The following ADGRB3 variants were observed in gnomAD, a reference collection of about 807,000 sequenced individuals.
ADGRB3 encodes adhesion G protein-coupled receptor B3, also known as brain-specific angiogenesis inhibitor 3.
Under a neutral mutation model 193.4 loss-of-function variants are expected in ADGRB3, and 37 were observed. The observed-to-expected ratio is 0.19, with a 90% CI of 0.15 to 0.25. ADGRB3 has a LOEUF of 0.25. ADGRB3 is among the 10% of genes least tolerant of loss of function. The pLI is 1.00. For synonymous variants in ADGRB3, 690 were observed against 644.2 expected, an observed-to-expected ratio of 1.07 and a Z score of -1.08; for missense variants, 1,637 against 1,852.9, an observed-to-expected ratio of 0.88 and a Z score of 2.14.
chr6:69,358,650 A>G (rs1021803890), intron 28 of ADGRB3, among the ~76,000 whole-genome samples: 1 of 151,878 alleles, frequency 6.6e-6, no homozygotes, highest in Non-Finnish European at 1.5e-5. Flanking sequence ...GGTGAAATTC[A>G]CTTCCCTAAA....
intron 19 of ADGRB3, among the ~76,000 whole-genome samples, chr6:69,235,384 G>A (rs185747901): frequency 1.3e-5 from 2 of 152,094 alleles, no homozygotes; most frequent in East Asian, 3.9e-4. Context: ...TCAAATGTTA[G>A]TAGCCTTCAA....
intron 3 of ADGRB3, among the ~76,000 whole-genome samples, chr6:68,889,975 AACTCTAT>A (rs1232471778): frequency 6.6e-6 from 1 of 152,178 alleles, no homozygotes; most frequent in Non-Finnish European, 1.5e-5. Context: ...ACTGTTGTAA[AACTCTAT>A]ACATGGCCAA....
chr6:68,755,516 G>T (rs2127348888), intron 3 of ADGRB3, among the ~76,000 whole-genome samples: 1 of 152,210 alleles, frequency 6.6e-6, no homozygotes, highest in Middle Eastern at 3.4e-3. Context: ...AGGAGGTAAG[G>T]CCACCTGTCG....
intron 3 of ADGRB3, among the ~76,000 whole-genome samples, chr6:68,929,981 G>A (rs1252053207): frequency 6.6e-6 from 1 of 151,478 alleles, no homozygotes; most frequent in African/African-American, 2.4e-5. Context: ...ATTAATTGGG[G>A]CAGGGAAGGA....
At chr6:69,298,895 C>T (rs577901260) in intron 20 of ADGRB3, among the ~76,000 whole-genome samples, 60 of 152,048 alleles carry the variant, frequency 3.9e-4, no homozygotes, top group African/African-American at 1.4e-3. Context: ...TGAATATACA[C>T]CCAGCAGTTG....
intron 20 of ADGRB3, among the ~76,000 whole-genome samples, chr6:69,310,923 G>T (rs1768175776): frequency 6.6e-6 from 1 of 151,570 alleles, no homozygotes; most frequent in African/African-American, 2.4e-5. Flanking sequence ...AGAAATAGTT[G>T]GTTTTGCCAT....
At chr6:68,812,803 T>TC (rs1376194070) in intron 3 of ADGRB3, among the ~76,000 whole-genome samples, 1 of 152,032 alleles carries the variant, frequency 6.6e-6, no homozygotes, top group Non-Finnish European at 1.5e-5. Context: ...TAGGTATTTC[T>TC]CCTAATGCTA....
chr6:69,234,074 A>C (rs1416324981), intron 18 of ADGRB3, among the ~76,000 whole-genome samples: 1 of 152,190 alleles, frequency 6.6e-6, no homozygotes, highest in Non-Finnish European at 1.5e-5. Flanking sequence ...ATGCTGAACA[A>C]TTATTATTCA....
intron 20 of ADGRB3, among the ~76,000 whole-genome samples, chr6:69,322,230 TA>T (rs1768471769): frequency 6.6e-6 from 1 of 151,894 alleles, no homozygotes; most frequent in Non-Finnish European, 1.5e-5. Context: ...ATATGTACCA[TA>T]TTTTCTTTAT....
intron 3 of ADGRB3, among the ~76,000 whole-genome samples, chr6:68,743,351 T>TTG (rs1554186303): frequency 2.6e-4 from 39 of 150,144 alleles, no homozygotes; most frequent in Middle Eastern, 3.5e-3. Context: ...GTTTTTTTTT[T>TTG]TGTGTGTGTG....
chr6:68,939,171 C>T (rs1041510371), intron 5 of ADGRB3, among the ~76,000 whole-genome samples: 5 of 152,048 alleles, frequency 3.3e-5, no homozygotes, highest in African/African-American at 9.7e-5. Flanking sequence ...GCACTGTGTC[C>T]GATGTCCAGA....
At chr6:68,754,623 G>A (rs963512180) in intron 3 of ADGRB3, among the ~76,000 whole-genome samples, 2 of 151,972 alleles carry the variant, frequency 1.3e-5, no homozygotes, top group African/African-American at 4.8e-5. Context: ...AAATAAGTGT[G>A]TAAAATACAA....
At chr6:69,256,764 G>A (rs1391619663) in intron 20 of ADGRB3, among the ~76,000 whole-genome samples, 1 of 152,280 alleles carries the variant, frequency 6.6e-6, no homozygotes, top group Middle Eastern at 3.4e-3. Flanking sequence ...GTGAGAGAGG[G>A]CATCCCTGTC....
intron 20 of ADGRB3, among the ~76,000 whole-genome samples, chr6:69,245,887 T>G (rs1766489360): frequency 6.6e-6 from 1 of 152,160 alleles, no homozygotes; most frequent in Admixed American, 6.6e-5. Context: ...TGTCTATGTA[T>G]AGTAAGTAAA....
At chr6:68,718,524 C>T (rs554735681) in intron 3 of ADGRB3, among the ~76,000 whole-genome samples, 32 of 151,790 alleles carry the variant, frequency 2.1e-4, no homozygotes, top group South Asian at 4.1e-4. Flanking sequence ...TATGTTGTTA[C>T]GCCTTTTGTA....
At chr6:68,640,769 A>G (rs747034877) in intron 3 of ADGRB3, among the ~76,000 whole-genome samples, 2 of 152,168 alleles carry the variant, frequency 1.3e-5, no homozygotes, top group Non-Finnish European at 2.9e-5. Context: ...GCCTAATGCT[A>G]TTTCTCTGCT....
chr6:69,286,824 C>T (rs1005747472), intron 20 of ADGRB3, among the ~76,000 whole-genome samples: 1 of 152,154 alleles, frequency 6.6e-6, no homozygotes, highest in Non-Finnish European at 1.5e-5. Context: ...GTTGTAAATT[C>T]TTCACATGCT....
At position 69,182,587 on chromosome 6, in the gene ADGRB3, A is replaced by G. The variant is rs565071155; in HGVS notation, c.2481-50703A>G. On this transcript the variant is annotated intron_variant, in intron 17 of 31. Coordinates refer to ENST00000370598, the MANE Select transcript of ADGRB3 (RefSeq NM_001704.3). The stretch of plus-strand genomic sequence containing the variant: ...TGGCCTGAGACTCTAATCTTTGCTG[A>G]GAATTATTTTTTCCCTTATTTTTTT... 9.1e-4 allele frequency among the ~76,000 whole-genome samples: 138 copies of G among 152,108 alleles called. 1 individual carries two copies. The highest frequency in any genetic ancestry group is 3.2e-3 in the African/African-American group (133 of 41,506).
At chr6:68,653,482 A>G (rs1338999080) in intron 3 of ADGRB3, among the ~76,000 whole-genome samples, 2 of 152,090 alleles carry the variant, frequency 1.3e-5, no homozygotes, top group African/African-American at 4.8e-5. Flanking sequence ...GAATGTATGC[A>G]CATATTCCAC....
Sources: gnomAD v4.1 joint callset for allele counts (sites outside exome capture counted in the v4.1 genomes callset) on GRCh38, gnomAD v4.1.1 for gene constraint, MANE v1.5 for transcripts, NCBI Gene and HGNC (gene_info 2026-07-23, HGNC 2026-07-21) for gene names.